Variants in PIK3C2A observed in about 807,000 individuals in gnomAD.
PIK3C2A encodes phosphatidylinositol-4-phosphate 3-kinase catalytic subunit type 2 alpha.
PIK3C2A carries 97 observed loss-of-function variants against 204.5 expected under a neutral mutation model. The observed-to-expected ratio is 0.47, with a 90% confidence interval of 0.40 to 0.56. The LOEUF (loss-of-function observed/expected upper bound fraction) is 0.56, where lower values mean the gene tolerates loss of function less well. PIK3C2A is among the 20% of genes least tolerant of loss of function. The pLI is 0.00. For synonymous variants in PIK3C2A, 653 were observed against 664.4 expected (o/e 0.98, Z 0.26); for missense variants, 1,735 against 1,969.2 (o/e 0.88, Z 2.25).
intron 18 of PIK3C2A, among the ~76,000 whole-genome samples, chr11:17,117,993 G>C (rs990560909): frequency 6.6e-6 from 1 of 150,474 alleles, no homozygotes; most frequent in Non-Finnish European, 1.5e-5. Flanking sequence ...GATTACAGGC[G>C]TGAGCCACCA....
intron 1 of PIK3C2A, among the ~76,000 whole-genome samples, chr11:17,201,061 C>T (rs140897215): frequency 6.6e-5 from 10 of 151,958 alleles, no homozygotes; most frequent in Non-Finnish European, 1.2e-4. Context: ...CAAAAATTAG[C>T]CAGATGTGGT....
chr11:17,115,151 C>T (rs1325203985), intron 19 of PIK3C2A, among the ~76,000 whole-genome samples: 1 of 151,918 alleles, frequency 6.6e-6, no homozygotes, highest in African/African-American at 2.4e-5. Flanking sequence ...CAAGTGTCCC[C>T]TGAATAGCCA....
At chr11:17,119,697 A>G (rs1436011309) in intron 16 of PIK3C2A, 89 bp downstream of exon 16, 4 of 745,480 alleles carry the variant, frequency 5.4e-6, no homozygotes, top group Non-Finnish European at 8.7e-6. Flanking sequence ...AATTGCTTTC[A>G]TGTTAAAAGG....
intron 1 of PIK3C2A, among the ~76,000 whole-genome samples, chr11:17,198,615 T>A (rs1852246226): frequency 6.6e-6 from 1 of 152,164 alleles, no homozygotes; most frequent in Non-Finnish European, 1.5e-5. Flanking sequence ...TGACCATTGT[T>A]GAAACAAGCA....
intron 32 of PIK3C2A, among the ~76,000 whole-genome samples, chr11:17,090,865 G>A (rs1385565255): frequency 2.0e-5 from 3 of 151,462 alleles, no homozygotes; most frequent in Admixed American, 1.3e-4. Context: ...TCAGCCTCCC[G>A]AGGAGCTGGG....
intron 22 of PIK3C2A, among the ~76,000 whole-genome samples, chr11:17,106,141 G>A (rs1848808760): frequency 6.6e-6 from 1 of 150,386 alleles, no homozygotes; most frequent in South Asian, 2.1e-4. Flanking sequence ...GCCAGGAATG[G>A]TGGCTCATAC....
chr11:17,187,964 T>C (rs2137542985), intron 1 of PIK3C2A, among the ~76,000 whole-genome samples: 1 of 152,256 alleles, frequency 6.6e-6, no homozygotes, highest in South Asian at 2.1e-4. Flanking sequence ...AGGAAGCAGA[T>C]TTACTTTTTG....
At chr11:17,097,300 G>A (rs754514476) in intron 26 of PIK3C2A, 36 bp from the exon 27 acceptor site, 7 of 1,260,126 alleles carry the variant, frequency 5.6e-6, no homozygotes, top group African/African-American at 4.4e-5. Flanking sequence ...AACAGTAAAT[G>A]AGAACACATG....
In PIK3C2A at chr11:17,087,305, A is replaced by G. The variant is rs1848184915; in HGVS notation, c.*2433T>C. On this transcript the variant is annotated 3_prime_UTR_variant, in exon 33 of 33. Coordinates refer to ENST00000691414, the MANE Select transcript of PIK3C2A (RefSeq NM_002645.4). ...TGATTTAAAATTTATTGATAGTAGT[A>G]GTGCAAAGAGGCTCCACTCTACTTT... 1 of 144,078 alleles carries G rather than the reference A, an allele frequency of 6.9e-6. No homozygotes were observed. The highest frequency in any genetic ancestry group is 2.2e-4 in the East Asian group (1 of 4,592). 8.9% of individuals were successfully genotyped at this position (144,078 alleles called of 1,614,324 possible). A position where few individuals can be genotyped will look rare whatever the true frequency, so the allele number is the denominator to read the frequency against.
chr11:17,186,693 G>A (rs1851763904), intron 1 of PIK3C2A, among the ~76,000 whole-genome samples: 1 of 152,154 alleles, frequency 6.6e-6, no homozygotes, highest in African/African-American at 2.4e-5. Context: ...CTTCTTCAGA[G>A]CCACATGGCC....
intron 1 of PIK3C2A, among the ~76,000 whole-genome samples, chr11:17,191,733 G>C (rs752016919): frequency 6.6e-6 from 1 of 152,202 alleles, no homozygotes; most frequent in Non-Finnish European, 1.5e-5. Context: ...TGTCAGAAGT[G>C]AAAGTGGTCT....
chr11:17,158,865 G>C (rs530845661), intron 2 of PIK3C2A, among the ~76,000 whole-genome samples: 14 of 151,978 alleles, frequency 9.2e-5, no homozygotes, highest in African/African-American at 3.4e-4. Context: ...TTCAAGTTAC[G>C]AGTTTGAATT....
At chr11:17,148,845 A>G (rs1388587344) in intron 4 of PIK3C2A, 58 bp from the exon 5 acceptor site, 1 of 1,390,140 alleles carries the variant, frequency 7.2e-7, no homozygotes, top group East Asian at 2.3e-5. Flanking sequence ...TCAAGACTGT[A>G]TTACTTATAA....
In PIK3C2A at chr11:17,122,291, G is replaced by A. The variant is rs750963227; in HGVS notation, c.2554C>T (p.Pro852Ser). The change falls in exon 15 of 33, where the codon CCT becomes TCT. Residue 852 changes from proline to serine, a missense_variant. Transcript: ENST00000691414. Reference protein sequence around the residue: ...SPAFDIIYTTPQVDRSIIQQH... With the variant: ...SPAFDIIYTTSQVDRSIIQQH... Reference sequence around the variant, plus strand: ...TGTATAATGCTTCTGTCAACTTGAGGAGTTGTATAAATAATATCAAATGCA... The same window carrying A: ...TGTATAATGCTTCTGTCAACTTGAGAAGTTGTATAAATAATATCAAATGCA... 4.6e-6 allele frequency: 7 copies of A among 1,536,482 alleles called. No individual in the cohort carries two copies. Among genetic ancestry groups the A allele is most frequent in the Admixed American group, 3.4e-5 (2 of 59,434 alleles).
intron 32 of PIK3C2A, among the ~76,000 whole-genome samples, chr11:17,090,243 T>C (rs1033192384): frequency 2.6e-5 from 4 of 151,878 alleles, no homozygotes; most frequent in African/African-American, 4.8e-5. Context: ...CTGAGGCGGG[T>C]AGATCACCTG....
At chr11:17,096,268 ACCT>A (rs1331797751) in intron 27 of PIK3C2A, among the ~76,000 whole-genome samples, 1 of 152,014 alleles carries the variant, frequency 6.6e-6, no homozygotes. Context: ...TGAACTCCTG[ACCT>A]CAGGTGATCA....
intron 2 of PIK3C2A, among the ~76,000 whole-genome samples, chr11:17,163,616 A>T (rs1451258238): frequency 6.6e-6 from 1 of 151,470 alleles, no homozygotes; most frequent in African/African-American, 2.4e-5. Flanking sequence ...GTCTCCCTAC[A>T]TTCCCCAGAT....
At chr11:17,174,794 C>A (rs1851287609) in intron 1 of PIK3C2A, among the ~76,000 whole-genome samples, 1 of 151,898 alleles carries the variant, frequency 6.6e-6, no homozygotes, top group Non-Finnish European at 1.5e-5. Flanking sequence ...CCCAGCTACT[C>A]AGAAGGCTGA....
chr11:17,100,017 T>G, intron 25 of PIK3C2A, 48 bp from the exon 26 acceptor site: 1 of 899,326 alleles, frequency 1.1e-6, no homozygotes, highest in Non-Finnish European at 1.8e-6. Flanking sequence ...TTTAAAACAT[T>G]TGTTCCTCAC....
Sources: gnomAD v4.1 joint callset for allele counts (sites outside exome capture counted in the v4.1 genomes callset) on GRCh38, gnomAD v4.1.1 for gene constraint, MANE v1.5 for transcripts, NCBI Gene and HGNC (gene_info 2026-07-23, HGNC 2026-07-21) for gene names.